CSMD3: variants seen among roughly 807,000 people sequenced by gnomAD.
The protein encoded by CSMD3 is CUB and Sushi multiple domains 3.
CSMD3 carries 177 observed loss-of-function variants against 435.2 expected under a neutral mutation model. The ratio of observed to expected loss-of-function variants is 0.41; its 90% CI spans 0.36 to 0.46. The LOEUF is 0.46. Among genes scored for constraint, CSMD3 ranks in the 20% least tolerant of loss-of-function variants. The pLI, the probability that CSMD3 is intolerant of heterozygous loss-of-function variation, is 0.34. For missense variants in CSMD3, 4,265 were observed against 4,504.6 expected, an observed-to-expected ratio of 0.95 and a Z score of 1.52; for synonymous variants, 1,656 against 1,520.5, an observed-to-expected ratio of 1.09 and a Z score of -2.07.
At chr8:113,416,704 G>C (rs1332101586) in intron 1 of CSMD3, among the ~76,000 whole-genome samples, 1 of 152,116 alleles carries the variant, frequency 6.6e-6, no homozygotes, top group Non-Finnish European at 1.5e-5. Flanking sequence ...CAAGGCAAGT[G>C]AAGAATGTTC....
intron 2 of CSMD3, among the ~76,000 whole-genome samples, chr8:113,295,958 T>C (rs1202999181): frequency 6.6e-6 from 1 of 152,152 alleles, no homozygotes; most frequent in Non-Finnish European, 1.5e-5. Flanking sequence ...CATGGAATAT[T>C]ATGCAGCCAT....
At chr8:112,226,262 A>AT (rs1194898655) in intron 70 of CSMD3, among the ~76,000 whole-genome samples, 3 of 152,084 alleles carry the variant, frequency 2.0e-5, no homozygotes, top group Admixed American at 6.6e-5. Context: ...ACTGGATCAT[A>AT]TTTTTTTTCC....
In CSMD3 at chr8:112,791,717, C is replaced by A. The variant is rs2078697920; in HGVS notation, c.1972+8445G>T. ...ATTCTCATACAAGTCTTTATATGGA[C>A]AATTGATTTCATTTCTCTTGGGAAA... On this transcript the variant is annotated intron_variant, in intron 13 of 70. Transcript: ENST00000297405. Among the ~76,000 whole-genome samples the A allele has an allele frequency of 1.3e-5, 2 of 152,000 alleles. 1 individual carries two copies. Among genetic ancestry groups the A allele is most frequent in the South Asian group, 4.1e-4 (2 of 4,824 alleles).
At chr8:112,757,898 T>C (rs993227684) in intron 13 of CSMD3, among the ~76,000 whole-genome samples, 9 of 151,536 alleles carry the variant, frequency 5.9e-5, no homozygotes, top group African/African-American at 1.9e-4. Flanking sequence ...TATAAAAAAG[T>C]TTAAAAAATT....
chr8:113,280,184 A>C (rs2132467628), intron 2 of CSMD3, among the ~76,000 whole-genome samples: 1 of 152,040 alleles, frequency 6.6e-6, no homozygotes, highest in African/African-American at 2.4e-5. Flanking sequence ...GCTTCATAGA[A>C]TGAATTAGGG....
chr8:113,306,234 G>A (rs2093820086), intron 2 of CSMD3, among the ~76,000 whole-genome samples: 1 of 152,126 alleles, frequency 6.6e-6, no homozygotes, highest in African/African-American at 2.4e-5. Context: ...CATTGAGTCA[G>A]ACAGTAGAGC....
At chr8:113,017,661 T>A (rs940206077) in intron 6 of CSMD3, among the ~76,000 whole-genome samples, 1 of 151,858 alleles carries the variant, frequency 6.6e-6, no homozygotes, top group African/African-American at 2.4e-5. Context: ...GATGAAAAAC[T>A]CCACAAGTAA....
intron 16 of CSMD3, among the ~76,000 whole-genome samples, chr8:112,680,550 T>C (rs1482544337): frequency 6.6e-6 from 1 of 152,202 alleles, no homozygotes; most frequent in Non-Finnish European, 1.5e-5. Context: ...GTAACTCCAC[T>C]ATGTTTTTAA....
intron 32 of CSMD3, among the ~76,000 whole-genome samples, chr8:112,425,144 A>G (rs1042324395): frequency 6.6e-6 from 1 of 152,242 alleles, no homozygotes; most frequent in Non-Finnish European, 1.5e-5. Context: ...TTAATCAAAA[A>G]GCCTCATGTA....
intron 3 of CSMD3, among the ~76,000 whole-genome samples, chr8:113,212,543 G>A (rs1410294192): frequency 6.6e-6 from 1 of 152,072 alleles, no homozygotes; most frequent in Non-Finnish European, 1.5e-5. Flanking sequence ...ATACACCATA[G>A]AATACTATGC....
At chr8:112,256,405 T>A (rs1471288695) in intron 61 of CSMD3, among the ~76,000 whole-genome samples, 1 of 152,086 alleles carries the variant, frequency 6.6e-6, no homozygotes, top group Non-Finnish European at 1.5e-5. Flanking sequence ...CAAAGGTGTC[T>A]CTCACTGAGA....
At chr8:112,798,349 T>C (rs2078877200) in intron 13 of CSMD3, among the ~76,000 whole-genome samples, 1 of 151,718 alleles carries the variant, frequency 6.6e-6, no homozygotes, top group Non-Finnish European at 1.5e-5. Context: ...TTTTATTTTA[T>C]CTCTAGGGAT....
chr8:113,174,043 A>T, intron 3 of CSMD3, 127 bp from the exon 4 acceptor site: 1 of 727,898 alleles, frequency 1.4e-6, no homozygotes, highest in South Asian at 1.6e-5. Context: ...ACTGAAAGGA[A>T]CTGTCTTCTA....
intron 3 of CSMD3, among the ~76,000 whole-genome samples, chr8:113,199,910 T>C (rs1368673332): frequency 6.6e-6 from 1 of 151,850 alleles, no homozygotes; most frequent in Non-Finnish European, 1.5e-5. Context: ...CTCTTCCAGG[T>C]GCAGGGCCTT....
chr8:112,817,789 C>T (rs964549471), intron 12 of CSMD3, among the ~76,000 whole-genome samples: 5 of 151,906 alleles, frequency 3.3e-5, no homozygotes, highest in Non-Finnish European at 7.4e-5. Flanking sequence ...AAATTTTCAT[C>T]ATTTTAGAAA....
intron 11 of CSMD3, among the ~76,000 whole-genome samples, chr8:112,849,350 G>A (rs2080419295): frequency 6.6e-6 from 1 of 151,814 alleles, no homozygotes; most frequent in Admixed American, 6.6e-5. Context: ...GCAGGGGGTG[G>A]TCAAAAAGCC....
chr8:112,604,953 ATTAAAAT>A (rs1563759571), intron 22 of CSMD3, among the ~76,000 whole-genome samples: 141 of 152,226 alleles, frequency 9.3e-4, no homozygotes, highest in Admixed American at 2.6e-3. Flanking sequence ...AGACAACCTT[ATTAAAAT>A]ATGGGCAAAG....
At chr8:112,427,587 G>A (rs1165342972) in intron 32 of CSMD3, among the ~76,000 whole-genome samples, 1 of 151,936 alleles carries the variant, frequency 6.6e-6, no homozygotes, top group Non-Finnish European at 1.5e-5. Context: ...CCAAGTCTTG[G>A]GTATTTCCTT....
chr8:113,037,604 T>C (rs1259556507), intron 5 of CSMD3, among the ~76,000 whole-genome samples: 1 of 152,162 alleles, frequency 6.6e-6, no homozygotes, highest in African/African-American at 2.4e-5. Context: ...AGTTACAATT[T>C]TATTTGAAAA....
Sources: gnomAD v4.1 joint callset for allele counts (sites outside exome capture counted in the v4.1 genomes callset) on GRCh38, gnomAD v4.1.1 for gene constraint, MANE v1.5 for transcripts, NCBI Gene and HGNC (gene_info 2026-07-23, HGNC 2026-07-21) for gene names.